Variants in SPECC1 observed in about 807,000 individuals in gnomAD.
The protein encoded by SPECC1 is sperm antigen with calponin homology and coiled-coil domains 1, also known as cytospin-B.
In SPECC1, 62 loss-of-function variants were observed where a neutral mutation model predicts 104.1. The observed-to-expected ratio is 0.60, with a 90% CI of 0.49 to 0.74. SPECC1 has a LOEUF of 0.74. Among genes scored for constraint, SPECC1 ranks in the 30% least tolerant of loss-of-function variants. The probability of loss-of-function intolerance (pLI) is 0.00; values close to 1 mark genes in which losing one functional copy is unlikely to be tolerated. For synonymous variants in SPECC1, 513 were observed against 501.6 expected, an observed-to-expected ratio of 1.02 and a Z score of -0.30; for missense variants, 1,306 against 1,310.5, an observed-to-expected ratio of 1.00 and a Z score of 0.05.
chr17:20,082,431 T>C (rs2047009481), intron 1 of SPECC1, among the ~76,000 whole-genome samples: 1 of 151,996 alleles, frequency 6.6e-6, no homozygotes, highest in Non-Finnish European at 1.5e-5. Context: ...GAGACCCCAT[T>C]TCTCAAAAAA....
intron 12 of SPECC1, among the ~76,000 whole-genome samples, chr17:20,264,141 C>A (rs751011165): frequency 1.9e-4 from 29 of 152,058 alleles, no homozygotes; most frequent in Non-Finnish European, 2.9e-4. Flanking sequence ...TTTTGAAAAC[C>A]GGGAACCATG....
chr17:20,116,802 A>G (rs1372541367), intron 3 of SPECC1, among the ~76,000 whole-genome samples: 1 of 62,160 alleles, frequency 1.6e-5, no homozygotes, highest in Non-Finnish European at 3.7e-5. Context: ...GTGTCTGGAG[A>G]CTTTTTTTTT....
intron 13 of SPECC1, among the ~76,000 whole-genome samples, chr17:20,299,719 CTTTG>C (rs1170510857): frequency 2.6e-5 from 4 of 152,034 alleles, no homozygotes; most frequent in Admixed American, 1.3e-4. Context: ...CTGTGGGGTG[CTTTG>C]TTTGTGAAGC....
At chr17:20,111,228 C>G (rs546849539) in intron 3 of SPECC1, among the ~76,000 whole-genome samples, 11 of 152,136 alleles carry the variant, frequency 7.2e-5, no homozygotes, top group Non-Finnish European at 1.6e-4. Flanking sequence ...CAGTGTATTG[C>G]TAAATTGTCT....
rs530232991 is a variant in SPECC1, at chr17:20,055,844, T to C, written c.-21-40787T>C. Among the ~76,000 whole-genome samples, 17 of 152,336 alleles carry C rather than the reference T, an allele frequency of 1.1e-4. No individual in the cohort carries two copies. In the East Asian group the frequency reaches 3.3e-3, roughly 29 times the overall value. On this transcript the variant is annotated intron_variant, in intron 1 of 14. Coordinates refer to ENST00000395527, the MANE Select transcript of SPECC1 (RefSeq NM_001243439.2). ...CCCACTGGGCCCCCTCCGTTCTGACTGTGAGAGTTCTCCAGGCTTGCAGGC... is the reference window on the plus strand; with the variant it reads ...CCCACTGGGCCCCCTCCGTTCTGACCGTGAGAGTTCTCCAGGCTTGCAGGC...
At chr17:20,074,949 C>G (rs191833646) in intron 1 of SPECC1, among the ~76,000 whole-genome samples, 37 of 152,248 alleles carry the variant, frequency 2.4e-4, no homozygotes, top group South Asian at 8.3e-4. Flanking sequence ...GTCACCCAGG[C>G]TGGAGTGCAG....
intron 3 of SPECC1, among the ~76,000 whole-genome samples, chr17:20,117,639 A>C (rs1393890726): frequency 6.6e-6 from 1 of 150,722 alleles, no homozygotes; most frequent in Non-Finnish European, 1.5e-5. Context: ...TAAATAAATA[A>C]AAATTAGCTG....
rs530880548 is a variant in SPECC1, at chr17:20,220,513, T to TG, written c.1864-6899dup. ...AAAAATGCTACTGATTTTTGCATGT[T>TG]GATTTTGTATCCTGCAACTTCACTG... On this transcript the variant is annotated intron_variant, in intron 4 of 14. Coordinates refer to ENST00000395527, the MANE Select transcript of SPECC1 (RefSeq NM_001243439.2). Among the ~76,000 whole-genome samples the TG allele has an allele frequency of 9.4e-4, 143 of 152,194 alleles. 1 individual carries two copies. The highest frequency in any genetic ancestry group is 1.3e-3 in the Non-Finnish European group (86 of 67,998).
intron 4 of SPECC1, among the ~76,000 whole-genome samples, chr17:20,212,931 C>T (rs1216012444): frequency 6.6e-6 from 1 of 152,124 alleles, no homozygotes; most frequent in Admixed American, 6.5e-5. Context: ...AGTCTCAGAG[C>T]TTTTCCATCA....
rs147174166 is a variant in SPECC1, at chr17:20,081,178, G to C, written c.-21-15453G>C. On this transcript the variant is annotated intron_variant, in intron 1 of 14. Transcript: ENST00000395527. ...AGTAGCATTTTCCCAATTGATATCTGGTATTTTCAAGGCCATTTGATAGTT... is the reference window on the plus strand; with the variant it reads ...AGTAGCATTTTCCCAATTGATATCTCGTATTTTCAAGGCCATTTGATAGTT... Among the ~76,000 whole-genome samples, 519 of 152,228 alleles carry C rather than the reference G, an allele frequency of 3.4e-3. 2 individuals are homozygous for C. The highest frequency in any genetic ancestry group is 8.0e-3 in the African/African-American group (331 of 41,530).
intron 2 of SPECC1, among the ~76,000 whole-genome samples, chr17:20,105,565 C>A (rs541006397): frequency 6.6e-6 from 1 of 152,138 alleles, no homozygotes; most frequent in Non-Finnish European, 1.5e-5. Context: ...ACAAACCCTG[C>A]GATGCAGCAC....
chr17:20,164,384 C>CA (rs2033458122), intron 3 of SPECC1, among the ~76,000 whole-genome samples: 1 of 151,922 alleles, frequency 6.6e-6, no homozygotes, highest in Non-Finnish European at 1.5e-5. Context: ...CCAGGCTAGT[C>CA]TCCAGCTCCT....
In SPECC1 at chr17:20,314,062, G is replaced by A. The variant is rs75296798; in HGVS notation, c.3204G>A (p.Thr1068=). 170,588 of 1,613,200 alleles carry A rather than the reference G, an allele frequency of 0.11. 10,414 individuals carry two copies. The highest frequency in any genetic ancestry group is 0.13 in the Non-Finnish European group (148,792 of 1,179,340). Residue 1068 remains threonine (T), a synonymous_variant, in exon 15 of 15, where the codon ACG becomes ACA. Transcript: ENST00000395527. ...YVAQIYKYFE[T] is the part of the protein sequence containing the mutation. The stretch of plus-strand genomic sequence containing the variant: ...CCCAAATCTACAAGTACTTTGAGAC[G>A]TAACCCTGGAGGGCCTGGGGCAGCC...
At chr17:20,172,860 T>A (rs541998214) in intron 3 of SPECC1, among the ~76,000 whole-genome samples, 1 of 152,344 alleles carries the variant, frequency 6.6e-6, no homozygotes, top group Non-Finnish European at 1.5e-5. Flanking sequence ...TGGTGAGGCC[T>A]GATTATAAGT....
intron 1 of SPECC1, among the ~76,000 whole-genome samples, chr17:20,010,629 G>T (rs541726630): frequency 2.3e-4 from 35 of 152,264 alleles, no homozygotes; most frequent in Admixed American, 3.3e-4. Flanking sequence ...ATAGTTTTTC[G>T]CTTGATTCGT....
At chr17:20,306,214 T>C (rs112556815) in intron 14 of SPECC1, 132 bp downstream of exon 14, 42 of 723,114 alleles carry the variant, frequency 5.8e-5, no homozygotes, top group African/African-American at 4.6e-4. Flanking sequence ...ATACCTAATA[T>C]AGAGTTATCC....
chr17:20,119,597 C>G (rs1052670317), intron 3 of SPECC1, among the ~76,000 whole-genome samples: 1 of 152,218 alleles, frequency 6.6e-6, no homozygotes, highest in Non-Finnish European at 1.5e-5. Context: ...ACAGCTGATA[C>G]TTTTGTACAT....
At chr17:20,104,047 G>A (rs1406773515) in intron 2 of SPECC1, among the ~76,000 whole-genome samples, 1 of 152,184 alleles carries the variant, frequency 6.6e-6, no homozygotes, top group African/African-American at 2.4e-5. Context: ...TATGTTTGTG[G>A]AATGAATATA....
In SPECC1 at chr17:20,182,641, T is replaced by C. The variant is rs370330044; in HGVS notation, c.284-21692T>C. Among the ~76,000 whole-genome samples, 54 of 152,358 alleles carry C rather than the reference T, an allele frequency of 3.5e-4. No individual in the cohort carries two copies. In the South Asian group the frequency reaches 0.011, roughly 31 times the overall value. On this transcript the variant is annotated intron_variant, in intron 3 of 14. Transcript: ENST00000395527. ...ACAGGAAGAATGTTTTTAAAAAAAC[T>C]GACCTAATGTCATATAAGTACGTAT...
Sources: allele counts gnomAD v4.1 joint callset (sites outside exome capture counted in the v4.1 genomes callset), GRCh38; gene constraint gnomAD v4.1.1; transcripts MANE v1.5; gene names NCBI Gene and HGNC (gene_info 2026-07-23, HGNC 2026-07-21).